The following TMEM19 variants were observed in gnomAD, a reference collection of about 807,000 sequenced individuals.
TMEM19 encodes the protein transmembrane protein 19.
Under a neutral mutation model 33.6 loss-of-function variants are expected in TMEM19, and 21 were observed. The observed-to-expected ratio is 0.62, with a 90% CI of 0.44 to 0.90. TMEM19 has a LOEUF of 0.90. TMEM19 is among the 40% of genes least tolerant of loss of function. TMEM19 has a pLI of 0.00. For synonymous variants in TMEM19, 149 were observed against 147.5 expected (o/e 1.01, Z -0.07); for missense variants, 402 against 401.8 (o/e 1.00, Z 0.00).
In TMEM19 at chr12:71,702,042, T is replaced by C. The variant is rs1242057369; in HGVS notation, c.*1047T>C. 4 of 152,244 alleles carry C rather than the reference T, an allele frequency of 2.6e-5. No homozygotes were observed. The allele number at this position is 152,244 out of a possible 1,614,324, so 9.4% of individuals were successfully genotyped here. A position where few individuals can be genotyped will look rare whatever the true frequency, so the allele number is the denominator to read the frequency against. ...GTATTTTACTAAAAGTATTTTTAAATGTTTCTCATGTGATTTCTGTACCTT... is the reference window on the plus strand; with the variant it reads ...GTATTTTACTAAAAGTATTTTTAAACGTTTCTCATGTGATTTCTGTACCTT... On this transcript the variant is annotated 3_prime_UTR_variant, in exon 6 of 6. Coordinates refer to ENST00000266673, the MANE Select transcript of TMEM19 (RefSeq NM_018279.4).
chr12:71,698,008 T>C (rs898646543), intron 4 of TMEM19, among the ~76,000 whole-genome samples: 2 of 152,226 alleles, frequency 1.3e-5, no homozygotes, highest in African/African-American at 2.4e-5. Context: ...CATTGGAACA[T>C]TTCAGATTTA....
At chr12:71,687,233 C>T (rs953735546) in intron 1 of TMEM19, among the ~76,000 whole-genome samples, 1 of 151,970 alleles carries the variant, frequency 6.6e-6, no homozygotes, top group Non-Finnish European at 1.5e-5. Flanking sequence ...ATAAGTGAGG[C>T]GAATATAGCT....
rs117153073 is a variant in TMEM19 at position 71,696,112 on chromosome 12, G to A, written c.245-324G>A. Among the ~76,000 whole-genome samples the A allele has an allele frequency of 5.0e-4, 76 of 152,194 alleles. No individual in the cohort carries two copies. The East Asian group carries it at 6.4e-3, about 13-fold the overall frequency. On this transcript the variant is annotated intron_variant, in intron 2 of 5. Coordinates refer to ENST00000266673, the MANE Select transcript of TMEM19 (RefSeq NM_018279.4). Reference sequence around the variant, plus strand: ...CTGGGCAGATTGCTTGAGCCCAGGAGTTTGAGACCAGCCTGGGCAATATAG... The same window carrying A: ...CTGGGCAGATTGCTTGAGCCCAGGAATTTGAGACCAGCCTGGGCAATATAG...
chr12:71,696,695 G>A, intron 3 of TMEM19, 122 bp downstream of exon 3: 2 of 834,446 alleles, frequency 2.4e-6, no homozygotes, highest in South Asian at 2.4e-5. Context: ...TGCCCAGGCT[G>A]GAGTGCACTG....
In TMEM19 at chr12:71,699,021, G is replaced by C; in HGVS notation, c.759G>C (p.Pro253=). The C allele has an allele frequency of 6.2e-7, 1 of 1,614,122 alleles. No individual in the cohort carries two copies. Among genetic ancestry groups the C allele is most frequent in the Non-Finnish European group, 8.5e-7 (1 of 1,180,024 alleles). The change falls in exon 5 of 6, where the codon CCG becomes CCC. Residue 253 remains proline, a synonymous_variant. Coordinates refer to ENST00000266673, the MANE Select transcript of TMEM19 (RefSeq NM_018279.4). ...IFVNDLDISA[P]QWPIIAFGGL... is the part of the protein sequence containing the mutation. Reference sequence around the variant, plus strand: ...TGAATGATTTAGACATTTCTGCCCCGCAGTGGCCAATTATTGCATTTGGTG... The same window carrying C: ...TGAATGATTTAGACATTTCTGCCCCCCAGTGGCCAATTATTGCATTTGGTG...
At chr12:71,700,116 AG>A (rs1330901397) in intron 5 of TMEM19, among the ~76,000 whole-genome samples, 2 of 152,186 alleles carry the variant, frequency 1.3e-5, no homozygotes, top group South Asian at 4.1e-4. Context: ...CCTCTCCATC[AG>A]TCAGAATATT....
chr12:71,686,509 T>C lies in TMEM19; in HGVS notation c.-172T>C, dbSNP rs540610388. Reference sequence around the variant, plus strand: ...CATATGAATTGGAGCTCTCCGCCAGTAGGAGTTTCCGGAAGGAGTTTGAAT... The same window carrying C: ...CATATGAATTGGAGCTCTCCGCCAGCAGGAGTTTCCGGAAGGAGTTTGAAT... On this transcript the variant is annotated 5_prime_UTR_variant, in exon 1 of 6. Coordinates refer to ENST00000266673, the MANE Select transcript of TMEM19 (RefSeq NM_018279.4). 3 of 637,958 alleles carry C rather than the reference T, an allele frequency of 4.7e-6. No individual in the cohort carries two copies. The Admixed American group carries it at 1.1e-4, about 23-fold the overall frequency. 39.5% of individuals were successfully genotyped at this position (637,958 alleles called of 1,614,324 possible).
chr12:71,687,549 T>C (rs993460678), intron 1 of TMEM19, among the ~76,000 whole-genome samples: 3 of 151,396 alleles, frequency 2.0e-5, no homozygotes, highest in African/African-American at 7.3e-5. Context: ...AGAGCGAGAA[T>C]CCGTCTCAAA....
intron 1 of TMEM19, among the ~76,000 whole-genome samples, chr12:71,687,439 C>T (rs1881712446): frequency 6.6e-6 from 1 of 152,024 alleles, no homozygotes; most frequent in African/African-American, 2.4e-5. Flanking sequence ...AAGCTGTAAT[C>T]CCAGCTACTT....
chr12:71,699,658 C>G (rs1302541995), intron 5 of TMEM19: 1 of 155,474 alleles, frequency 6.4e-6, no homozygotes, highest in Admixed American at 6.4e-5. Flanking sequence ...CGAGACTAGC[C>G]TGGCCAACAT....
chr12:71,692,438 A>G (rs1881800872), intron 2 of TMEM19, among the ~76,000 whole-genome samples: 1 of 152,208 alleles, frequency 6.6e-6, no homozygotes, highest in African/African-American at 2.4e-5. Flanking sequence ...AATTAAATGA[A>G]GTATTCTCAC....
chr12:71,701,206 G>A lies in TMEM19; in HGVS notation c.*211G>A, dbSNP rs1881973184. Reference sequence around the variant, plus strand: ...AAAGAGAAGAATTCCTAGAACTTATGCATTTTTTTCCTGCTGAATGGAAGT... The same window carrying A: ...AAAGAGAAGAATTCCTAGAACTTATACATTTTTTTCCTGCTGAATGGAAGT... On this transcript the variant is annotated 3_prime_UTR_variant, in exon 6 of 6. Coordinates refer to ENST00000266673, the MANE Select transcript of TMEM19 (RefSeq NM_018279.4). 2.3e-6 allele frequency: 1 copy of A among 428,562 alleles called. No individual in the cohort carries two copies. Among genetic ancestry groups the A allele is most frequent in the Non-Finnish European group, 4.0e-6 (1 of 249,006 alleles). 26.5% of individuals were successfully genotyped at this position (428,562 alleles called of 1,614,324 possible).
intron 2 of TMEM19, chr12:71,690,373 C>T (rs751351176): frequency 1.3e-5 from 2 of 152,220 alleles, no homozygotes; most frequent in Non-Finnish European, 2.9e-5. Context: ...AGGCCGGTCT[C>T]GAGCTCCTGG....
rs1661526202 is a variant in TMEM19 at position 71,702,050 on chromosome 12, A to G, written c.*1055A>G. The stretch of plus-strand genomic sequence containing the variant: ...CTAAAAGTATTTTTAAATGTTTCTC[A>G]TGTGATTTCTGTACCTTCTTCCTCC... On this transcript the variant is annotated 3_prime_UTR_variant, in exon 6 of 6. Coordinates refer to ENST00000266673, the MANE Select transcript of TMEM19 (RefSeq NM_018279.4). 1 of 152,184 alleles carries G rather than the reference A, an allele frequency of 6.6e-6. No individual in the cohort carries two copies. The highest frequency in any genetic ancestry group is 2.1e-4 in the South Asian group (1 of 4,830). The allele number at this position is 152,184 out of a possible 1,614,324, so 9.4% of individuals were successfully genotyped here. A position where few individuals can be genotyped will look rare whatever the true frequency, so the allele number is the denominator to read the frequency against.
chr12:71,687,450 G>C (rs1472924933), intron 1 of TMEM19, among the ~76,000 whole-genome samples: 2 of 152,000 alleles, frequency 1.3e-5, no homozygotes, highest in East Asian at 3.9e-4. Context: ...CCAGCTACTT[G>C]GGAGATGGAG....
At chr12:71,689,310 T>C (rs1881744808) in intron 1 of TMEM19, among the ~76,000 whole-genome samples, 1 of 152,208 alleles carries the variant, frequency 6.6e-6, no homozygotes, top group Non-Finnish European at 1.5e-5. Flanking sequence ...CTAGGACCAA[T>C]AGGCTATAGC....
intron 2 of TMEM19, among the ~76,000 whole-genome samples, chr12:71,694,441 C>T (rs933651266): frequency 6.6e-6 from 1 of 152,146 alleles, no homozygotes; most frequent in African/African-American, 2.4e-5. Flanking sequence ...CTGTCATGTA[C>T]CCAGAGTTGA....
intron 2 of TMEM19, among the ~76,000 whole-genome samples, chr12:71,693,646 A>T (rs1486396761): frequency 2.0e-5 from 3 of 152,176 alleles, no homozygotes; most frequent in Non-Finnish European, 4.4e-5. Flanking sequence ...CACTACTGCT[A>T]TTCACAGTGA....
rs150256517 is a variant in TMEM19, at chr12:71,702,403, C to A, written c.*1408C>A. ...GCACAGTGGCATGATCTCAGCTCCG[C>A]CTCCTGGGTTCACGTGATTCTCATG... On this transcript the variant is annotated 3_prime_UTR_variant, in exon 6 of 6. Transcript: ENST00000266673. 51 of 152,366 alleles carry A rather than the reference C, an allele frequency of 3.3e-4. No individual in the cohort carries two copies. The highest frequency in any genetic ancestry group is 1.1e-3 in the African/African-American group (46 of 41,558). The allele number at this position is 152,366 out of a possible 1,614,324, so 9.4% of individuals were successfully genotyped here.
Sources: allele counts gnomAD v4.1 joint callset (sites outside exome capture counted in the v4.1 genomes callset), GRCh38; gene constraint gnomAD v4.1.1; transcripts MANE v1.5; gene names NCBI Gene and HGNC (gene_info 2026-07-23, HGNC 2026-07-21).